The following AMOT variants were observed in gnomAD, a reference collection of about 807,000 sequenced individuals.
The protein encoded by AMOT is angiomotin.
A neutral mutation model predicts 67.0 loss-of-function variants in AMOT; 11 were observed. The ratio of observed to expected loss-of-function variants is 0.16; its 90% CI spans 0.10 to 0.27. The LOEUF (loss-of-function observed/expected upper bound fraction) is 0.27, where lower values mean the gene tolerates loss of function less well. AMOT is among the 10% of genes least tolerant of loss of function. The pLI is 1.00. For synonymous variants in AMOT, 326 were observed against 321.4 expected (o/e 1.01, Z -0.15); for missense variants, 753 against 852.0 (o/e 0.88, Z 1.45).
chrX:112,811,699 G>A (rs886383566), intron 5 of AMOT, among the ~76,000 whole-genome samples: 1 of 111,996 alleles, frequency 8.9e-6, no homozygotes, highest in Non-Finnish European at 1.9e-5. Flanking sequence ...TTTAATTTCT[G>A]AAGAAAACTC....
At chrX:112,807,153 A>G (rs932973979) in intron 7 of AMOT, among the ~76,000 whole-genome samples, 2 of 110,942 alleles carry the variant, frequency 1.8e-5, no homozygotes, top group African/African-American at 3.3e-5. Context: ...TCCACACGAG[A>G]GAAGGAAATA....
intron 4 of AMOT, among the ~76,000 whole-genome samples, chrX:112,816,846 T>C (rs1934579488): frequency 1.8e-5 from 2 of 112,311 alleles, no homozygotes; most frequent in African/African-American, 3.2e-5. Flanking sequence ...CATTGTTTAA[T>C]GTGGCTCTCC....
rs1219997635 is a variant in AMOT at position 112,778,387 on chromosome X, C to T, written c.*180G>A. The T allele has an allele frequency of 5.0e-6, 2 of 403,508 alleles. No individual in the cohort carries two copies. Among genetic ancestry groups the T allele is most frequent in the Admixed American group, 7.4e-5 (2 of 27,149 alleles). 33.3% of individuals were successfully genotyped at this position (403,508 alleles called of 1,213,427 possible). A position where few individuals can be genotyped will look rare whatever the true frequency, so the allele number is the denominator to read the frequency against. On this transcript the variant is annotated 3_prime_UTR_variant, in exon 14 of 14. Transcript: ENST00000371959. ...CTTTAGAGGTACTCCCTAAGCATAC[C>T]AAAATAGACTGGTGTTCACATGGTA...
At chrX:112,797,778 C>CA (rs1175211103) in intron 8 of AMOT, among the ~76,000 whole-genome samples, 3 of 97,210 alleles carry the variant, frequency 3.1e-5, no homozygotes, top group African/African-American at 3.9e-5. Flanking sequence ...GAGACTCTGT[C>CA]AAAAAAAGAA....
chrX:112,830,089 T>C (rs1415556208), intron 2 of AMOT, among the ~76,000 whole-genome samples: 1 of 112,368 alleles, frequency 8.9e-6, no homozygotes, highest in East Asian at 2.8e-4. Context: ...TTACAAGTAA[T>C]ATAAGCACAG....
chrX:112,782,435 G>C, intron 11 of AMOT, 105 bp downstream of exon 11: 1 of 1,068,638 alleles, frequency 9.4e-7, no homozygotes, highest in Non-Finnish European at 1.3e-6. Flanking sequence ...GGGTGATGGT[G>C]GAGCGGGGAG....
chrX:112,822,027 G>A (rs749490362), intron 4 of AMOT, among the ~76,000 whole-genome samples: 1 of 112,640 alleles, frequency 8.9e-6, no homozygotes, highest in South Asian at 3.7e-4. Flanking sequence ...CTAGGCAGTT[G>A]AGGCCATGCT....
At position 112,790,679 on chromosome X, in the gene AMOT, T is replaced by C. The variant is rs1368779253; in HGVS notation, c.2030A>G (p.Asp677Gly). 8.3e-7 allele frequency: 1 copy of C among 1,209,467 alleles called. No individual in the cohort carries two copies. The highest frequency in any genetic ancestry group is 1.1e-6 in the Non-Finnish European group (1 of 895,010). ...ATATTTCTGCTCCCACTTTGTCATATCAGCTTCCAGAGCCAGAATCCTCTC... is the reference window on the plus strand; with the variant it reads ...ATATTTCTGCTCCCACTTTGTCATACCAGCTTCCAGAGCCAGAATCCTCTC... ...KEERILALEA[D>G]MTKWEQKYLE... The change falls in exon 10 of 14, where the codon GAT becomes GGT. Residue 677 changes from aspartate (D) to glycine (G), a missense_variant. Asp to Gly is a moderately conservative substitution (Grantham distance 94, BLOSUM62 -1). This residue lies in a region of AMOT where 66 missense variants were observed against 112.9 expected (regional missense o/e 0.58). Coordinates refer to ENST00000371959, the MANE Select transcript of AMOT (RefSeq NM_001113490.2).
intron 10 of AMOT, among the ~76,000 whole-genome samples, chrX:112,785,648 G>T (rs1038261754): frequency 8.9e-6 from 1 of 112,087 alleles, no homozygotes; most frequent in Non-Finnish European, 1.9e-5. Flanking sequence ...TTAGGAAGAC[G>T]GCCTTATCTC....
At chrX:112,790,520 A>G in intron 10 of AMOT, 72 bp downstream of exon 10, 1 of 1,063,069 alleles carries the variant, frequency 9.4e-7, no homozygotes, top group South Asian at 2.6e-5. Context: ...AAGAAAATAA[A>G]ACACTGGAAA....
chrX:112,779,487 A>G lies in AMOT; in HGVS notation c.2667T>C (p.Ala889=), dbSNP rs1475838888. The G allele has an allele frequency of 8.3e-7, 1 of 1,207,894 alleles. No homozygotes were observed. The highest frequency in any genetic ancestry group is 2.2e-5 in the Admixed American group (1 of 45,680). The change falls in exon 13 of 14, where the codon GCT becomes GCC. Residue 889 remains alanine (A), a synonymous_variant. Transcript: ENST00000371959. The part of the protein sequence containing the change: ...APISVPAPVA[A]AATAAAITAT... ...CAGTGATGGCGGCAGCAGTGGCGGCAGCAGCAACTGGAGCAGGAACAGAGA... is the reference window on the plus strand; with the variant it reads ...CAGTGATGGCGGCAGCAGTGGCGGCGGCAGCAACTGGAGCAGGAACAGAGA...
intron 4 of AMOT, chrX:112,819,558 T>A (rs1934660641): frequency 5.1e-6 from 1 of 196,266 alleles, no homozygotes; most frequent in African/African-American, 3.1e-5. Flanking sequence ...ATTTAATTTT[T>A]AAAAGCAGTT....
At chrX:112,819,504 A>T in intron 4 of AMOT, 3 of 504,619 alleles carry the variant, frequency 5.9e-6, no homozygotes, top group South Asian at 2.1e-4. Context: ...TCTGGGCATG[A>T]TTTCAACAAT....
At chrX:112,808,590 G>A (rs939154667) in intron 7 of AMOT, among the ~76,000 whole-genome samples, 4 of 111,877 alleles carry the variant, frequency 3.6e-5, no homozygotes, top group African/African-American at 1.3e-4. Context: ...TTGCCCTGCC[G>A]GTAATACCGT....
intron 10 of AMOT, among the ~76,000 whole-genome samples, chrX:112,783,294 C>CAA (rs377256668): frequency 8.0e-5 from 4 of 49,816 alleles, no homozygotes; most frequent in Admixed American, 5.1e-4. Flanking sequence ...GACTCTGTCT[C>CAA]AAAAAAAAAA....
chrX:112,818,356 G>A (rs996716453), intron 4 of AMOT, among the ~76,000 whole-genome samples: 1 of 111,248 alleles, frequency 9.0e-6, no homozygotes, highest in Non-Finnish European at 1.9e-5. Flanking sequence ...ACCTTGGGAA[G>A]GAGGAGACCA....
intron 8 of AMOT, among the ~76,000 whole-genome samples, chrX:112,799,915 C>T (rs1439851075): frequency 8.9e-6 from 1 of 111,837 alleles, no homozygotes; most frequent in Non-Finnish European, 1.9e-5. Flanking sequence ...TCTTGTAACA[C>T]ATTGGGTGGA....
In AMOT at chrX:112,805,013, T is replaced by A; in HGVS notation, c.1710A>T (p.Arg570=). 1 of 1,211,526 alleles carries A rather than the reference T, an allele frequency of 8.3e-7. No individual in the cohort carries two copies. Among genetic ancestry groups the A allele is most frequent in the Non-Finnish European group, 1.1e-6 (1 of 895,479 alleles). ...GGGCCTGATCTCGGATTTCGATGTG[T>A]CGTCTTTGGTCCTCATTGGTAGAAC... is the stretch of plus-strand genomic sequence containing the variant. ...TARSTNEDQR[R]HIEIRDQALS... Residue 570 remains arginine, a synonymous_variant, in exon 8 of 14, where the codon CGA becomes CGT. Coordinates refer to ENST00000371959, the MANE Select transcript of AMOT (RefSeq NM_001113490.2).
At chrX:112,784,496 G>A (rs625991) in intron 10 of AMOT, among the ~76,000 whole-genome samples, 40,515 of 111,333 alleles carry the variant, frequency 0.36, 9,178 homozygotes, top group African/African-American at 0.85. Flanking sequence ...CTGAGGCAAA[G>A]GGATTGCTTA....
Sources: gnomAD v4.1 joint callset for allele counts (sites outside exome capture counted in the v4.1 genomes callset) on GRCh38, gnomAD v4.1.1 for gene constraint, gnomAD v4.1.1 regional missense constraint, MANE v1.5 for transcripts, NCBI Gene and HGNC (gene_info 2026-07-23, HGNC 2026-07-21) for gene names.